PCSK2: variants seen among roughly 807,000 people sequenced by gnomAD.
PCSK2 encodes the protein neuroendocrine convertase 2.
Under a neutral mutation model 69.7 loss-of-function variants are expected in PCSK2, and 14 were observed. The ratio of observed to expected loss-of-function variants is 0.20; its 90% CI spans 0.13 to 0.31. The LOEUF (loss-of-function observed/expected upper bound fraction) is 0.31, where lower values mean the gene tolerates loss of function less well. Ranked by LOEUF, PCSK2 falls within the 10% of genes least tolerant of loss-of-function variation. The probability of loss-of-function intolerance (pLI) is 1.00; values close to 1 mark genes in which losing one functional copy is unlikely to be tolerated. For missense variants in PCSK2, 544 were observed against 842.5 expected (o/e 0.65, Z 4.39); for synonymous variants, 307 against 320.7 (o/e 0.96, Z 0.46).
chr20:17,289,784 A>C (rs1988635889), intron 2 of PCSK2, among the ~76,000 whole-genome samples: 1 of 152,186 alleles, frequency 6.6e-6, no homozygotes, highest in South Asian at 2.1e-4. Flanking sequence ...TAGCTTTTGA[A>C]AGCTGCAATG....
chr20:17,302,510 G>A (rs1028958939), intron 2 of PCSK2, among the ~76,000 whole-genome samples: 14 of 152,110 alleles, frequency 9.2e-5, no homozygotes, highest in African/African-American at 2.7e-4. Context: ...GGTCTGTACC[G>A]AAAACACTTT....
chr20:17,320,343 A>G (rs1354292573), intron 2 of PCSK2, among the ~76,000 whole-genome samples: 1 of 152,200 alleles, frequency 6.6e-6, no homozygotes. Flanking sequence ...CCTTGGTCGC[A>G]AGACACATCC....
At chr20:17,296,145 T>C (rs1465284154) in intron 2 of PCSK2, among the ~76,000 whole-genome samples, 1 of 152,132 alleles carries the variant, frequency 6.6e-6, no homozygotes, top group African/African-American at 2.4e-5. Flanking sequence ...TGACTGCCAG[T>C]GTAAAGCAGC....
At chr20:17,419,333 A>G (rs886373397) in intron 6 of PCSK2, among the ~76,000 whole-genome samples, 7 of 152,348 alleles carry the variant, frequency 4.6e-5, no homozygotes, top group African/African-American at 9.6e-5. Context: ...TTTAATAATT[A>G]CATGCAGTAT....
At chr20:17,253,557 A>G (rs1176928101) in intron 1 of PCSK2, among the ~76,000 whole-genome samples, 1 of 152,216 alleles carries the variant, frequency 6.6e-6, no homozygotes, top group East Asian at 1.9e-4. Context: ...CTTTCCATTT[A>G]GAAATAATAT....
chr20:17,291,412 T>C (rs1398639155), intron 2 of PCSK2, among the ~76,000 whole-genome samples: 3 of 152,172 alleles, frequency 2.0e-5, no homozygotes, highest in African/African-American at 7.2e-5. Context: ...TACAGACAAA[T>C]GATATTCCAT....
At chr20:17,379,652 AGC>A in intron 5 of PCSK2, among the ~76,000 whole-genome samples, 2 of 152,312 alleles carry the variant, frequency 1.3e-5, no homozygotes, top group South Asian at 4.1e-4. Context: ...CTCTGCTGTA[AGC>A]ACTCTGTATA....
At chr20:17,391,539 C>T (rs6080674) in intron 5 of PCSK2, among the ~76,000 whole-genome samples, 46,728 of 152,006 alleles carry the variant, frequency 0.31, 8,568 homozygotes, top group South Asian at 0.58. Flanking sequence ...AAGGGAGCCT[C>T]TTCTGCCCAC....
At chr20:17,462,263 A>G (rs2269027) in intron 10 of PCSK2, among the ~76,000 whole-genome samples, 125,849 of 152,072 alleles carry the variant, frequency 0.83, 52,418 homozygotes, top group African/African-American at 0.89. Context: ...AAACCTCTGA[A>G]CCTGGACATC....
chr20:17,433,812 T>TCTCTCTCTCTCTCTCTCTCCC lies in PCSK2; in HGVS notation c.710-2895_710-2894insTCTCTCTCTCTCTCTCTCCCC, dbSNP rs774361715. On this transcript the variant is annotated intron_variant, in intron 7 of 11. Transcript: ENST00000262545. ...CTCTCTCTCTCTCTCTCTCTCTCTCTCCCCCCACTTCCTTCCCTCCTCCTC... is the reference window on the plus strand; with the variant it reads ...CTCTCTCTCTCTCTCTCTCTCTCTCTCTCTCTCTCTCTCTCTCTCCCCCCCCCACTTCCTTCCCTCCTCCTC... 3.8e-5 allele frequency among the ~76,000 whole-genome samples: 4 copies of TCTCTCTCTCTCTCTCTCTCCC among 104,172 alleles called. 1 individual carries two copies. The highest frequency in any genetic ancestry group is 1.2e-4 in the African/African-American group (3 of 24,296). 68.3% of individuals were successfully genotyped at this position (104,172 alleles called of 152,430 possible).
At chr20:17,344,566 A>G (rs1990595353) in intron 2 of PCSK2, among the ~76,000 whole-genome samples, 1 of 152,148 alleles carries the variant, frequency 6.6e-6, no homozygotes, top group Non-Finnish European at 1.5e-5. Flanking sequence ...CCAAAAATTA[A>G]ACTAACACAC....
intron 6 of PCSK2, among the ~76,000 whole-genome samples, chr20:17,419,420 A>T (rs1184678669): frequency 6.6e-6 from 1 of 152,250 alleles, no homozygotes; most frequent in African/African-American, 2.4e-5. Context: ...GCTTGCAATG[A>T]GCAAAATACA....
chr20:17,261,344 T>C (rs773877001), intron 2 of PCSK2, among the ~76,000 whole-genome samples: 5 of 152,218 alleles, frequency 3.3e-5, no homozygotes, highest in Non-Finnish European at 5.9e-5. Context: ...ATCTGAAAAC[T>C]CATTCTTGTG....
At chr20:17,438,887 T>C (rs543441708) in intron 8 of PCSK2, among the ~76,000 whole-genome samples, 1 of 152,300 alleles carries the variant, frequency 6.6e-6, no homozygotes, top group Admixed American at 6.5e-5. Flanking sequence ...CAAGACTACA[T>C]AGTTTTGGAG....
intron 1 of PCSK2, among the ~76,000 whole-genome samples, chr20:17,253,087 C>T (rs1049299817): frequency 4.6e-5 from 7 of 152,218 alleles, no homozygotes; most frequent in Admixed American, 4.6e-4. Context: ...GATAAGTGTT[C>T]ATAATCTACG....
In PCSK2 at chr20:17,261,827, G is replaced by T. The variant is rs11905284; in HGVS notation, c.282+1483G>T. Among the ~76,000 whole-genome samples, 441 of 152,312 alleles carry T rather than the reference G, an allele frequency of 2.9e-3. 3 individuals carry two copies. The highest frequency in any genetic ancestry group is 0.01 in the African/African-American group (417 of 41,568). Reference sequence around the variant, plus strand: ...CTATGCCATAACCTTGCCATTTATGGCCAGTTGTTTTCCTTTTAGTTATGT... The same window carrying T: ...CTATGCCATAACCTTGCCATTTATGTCCAGTTGTTTTCCTTTTAGTTATGT... On this transcript the variant is annotated intron_variant, in intron 2 of 11. Transcript: ENST00000262545.
At chr20:17,447,404 A>C (rs1653030782) in intron 8 of PCSK2, among the ~76,000 whole-genome samples, 1 of 152,234 alleles carries the variant, frequency 6.6e-6, no homozygotes, top group Non-Finnish European at 1.5e-5. Context: ...ATTCAACTTT[A>C]GTGAAAAAAT....
At chr20:17,465,834 A>AT (rs575470602) in intron 11 of PCSK2, among the ~76,000 whole-genome samples, 8 of 151,776 alleles carry the variant, frequency 5.3e-5, no homozygotes, top group Non-Finnish European at 8.8e-5. Flanking sequence ...CACCCTGCTA[A>AT]TTTTTTTTAT....
At chr20:17,271,913 C>T (rs1238194465) in intron 2 of PCSK2, among the ~76,000 whole-genome samples, 2 of 152,054 alleles carry the variant, frequency 1.3e-5, no homozygotes, top group Admixed American at 6.6e-5. Flanking sequence ...CAGGATGAAA[C>T]CTGATAGAAC....
Sources: gnomAD v4.1 joint callset for allele counts (sites outside exome capture counted in the v4.1 genomes callset) on GRCh38, gnomAD v4.1.1 for gene constraint, MANE v1.5 for transcripts, NCBI Gene and HGNC (gene_info 2026-07-23, HGNC 2026-07-21) for gene names.